Variants in GRHL2 observed in about 807,000 individuals in gnomAD.
GRHL2 encodes the protein grainyhead like transcription factor 2.
Under a neutral mutation model 83.8 loss-of-function variants are expected in GRHL2, and 21 were observed. The ratio of observed to expected loss-of-function variants is 0.25; its 90% CI spans 0.18 to 0.36. GRHL2 has a LOEUF of 0.36. GRHL2 is among the 10% of genes least tolerant of loss of function. The probability of loss-of-function intolerance (pLI) is 1.00; values close to 1 mark genes in which losing one functional copy is unlikely to be tolerated. For missense variants in GRHL2, 623 were observed against 781.8 expected, an observed-to-expected ratio of 0.80 and a Z score of 2.42; for synonymous variants, 280 against 278.9, an observed-to-expected ratio of 1.00 and a Z score of -0.04.
chr8:101,501,494 G>A (rs1014121504), intron 1 of GRHL2, among the ~76,000 whole-genome samples: 6 of 152,206 alleles, frequency 3.9e-5, no homozygotes, highest in Admixed American at 3.9e-4. Flanking sequence ...AAGTGAAGGA[G>A]AGAGGAGTGG....
rs750362167 is a variant in GRHL2 at position 101,573,701 on chromosome 8, ATC to A, written c.773_774del (p.Leu258ProfsTer48). On this transcript the variant is annotated frameshift_variant, in exon 6 of 16. Coordinates refer to ENST00000646743, the MANE Select transcript of GRHL2 (RefSeq NM_024915.4). LOFTEE classifies it high-confidence loss of function. ...TTCAGTACACCCTGGAAGCCACCAA[ATC>A]TCTCCGTCAGAAGCAGGGGGAGGGC... ...TFQYTLEATK[S>X]LRQKQGEGPM... The A allele has an allele frequency of 6.2e-7, 1 of 1,614,142 alleles. No homozygotes were observed. The highest frequency in any genetic ancestry group is 8.5e-7 in the Non-Finnish European group (1 of 1,180,026).
At chr8:101,515,154 CTT>C (rs1196118829) in intron 1 of GRHL2, among the ~76,000 whole-genome samples, 1 of 130,394 alleles carries the variant, frequency 7.7e-6, no homozygotes. Flanking sequence ...CTCCCTCTCT[CTT>C]TCTCTCTCTC....
intron 1 of GRHL2, among the ~76,000 whole-genome samples, chr8:101,494,166 G>A (rs1407733501): frequency 2.0e-5 from 3 of 152,182 alleles, no homozygotes; most frequent in African/African-American, 4.8e-5. Flanking sequence ...AAGGCCGCGG[G>A]CCGCTGGGCC....
intron 7 of GRHL2, among the ~76,000 whole-genome samples, chr8:101,592,100 CTTTTTTTT>C (rs11382067): frequency 5.5e-5 from 5 of 90,302 alleles, no homozygotes; most frequent in African/African-American, 1.8e-4. Context: ...TCTTTCTTTT[CTTTTTTTT>C]TTTTTTTTTT....
chr8:101,555,432 G>T (rs770351403), intron 3 of GRHL2, among the ~76,000 whole-genome samples: 9 of 151,970 alleles, frequency 5.9e-5, no homozygotes, highest in South Asian at 4.2e-4. Context: ...CGGTGGTCTC[G>T]TTATGGCAAT....
intron 1 of GRHL2, among the ~76,000 whole-genome samples, chr8:101,541,498 A>C (rs574144901): frequency 6.6e-6 from 1 of 152,072 alleles, no homozygotes; most frequent in African/African-American, 2.4e-5. Flanking sequence ...TCTTGGCAAA[A>C]AGGGACCTCT....
At chr8:101,551,841 G>GTT (rs111373774) in intron 2 of GRHL2, among the ~76,000 whole-genome samples, 1 of 141,130 alleles carries the variant, frequency 7.1e-6, no homozygotes, top group Non-Finnish European at 1.6e-5. Flanking sequence ...GGCATTGGGA[G>GTT]TTTTTTTTTT....
intron 7 of GRHL2, among the ~76,000 whole-genome samples, chr8:101,585,943 G>C (rs958560683): frequency 2.0e-5 from 3 of 151,896 alleles, no homozygotes; most frequent in Admixed American, 6.6e-5. Context: ...GGTGGTCCTC[G>C]GGCTCCCTCT....
intron 9 of GRHL2, among the ~76,000 whole-genome samples, chr8:101,625,654 C>A (rs1808070612): frequency 6.6e-6 from 1 of 152,032 alleles, no homozygotes; most frequent in South Asian, 2.1e-4. Context: ...TTTGTGTGAA[C>A]ATGTTTGTAA....
intron 3 of GRHL2, 58 bp downstream of exon 3, chr8:101,552,840 T>G: frequency 2.0e-6 from 3 of 1,498,640 alleles, no homozygotes; most frequent in Non-Finnish European, 2.8e-6. Flanking sequence ...AACAATGTTA[T>G]TAAACTGTAT....
At position 101,504,917 on chromosome 8, in the gene GRHL2, G is replaced by A. The variant is rs554752760; in HGVS notation, c.20+12128G>A. Among the ~76,000 whole-genome samples the A allele has an allele frequency of 2.6e-5, 4 of 151,604 alleles. No individual in the cohort carries two copies. In the South Asian group the frequency reaches 8.3e-4, roughly 32 times the overall value. ...AGCAGGGAACAAAAAGTACCTGATG[G>A]GAACTTGCTGGGGAAACTGGCCTCC... On this transcript the variant is annotated intron_variant, in intron 1 of 15. Transcript: ENST00000646743.
At position 101,558,587 on chromosome 8, in the gene GRHL2, G is replaced by C. The variant is rs778051979; in HGVS notation, c.453G>C (p.Pro151=). 5.6e-6 allele frequency: 9 copies of C among 1,613,982 alleles called. No individual in the cohort carries two copies. The African/African-American group carries it at 8.0e-5, about 14-fold the overall frequency. ...ISFPESSAII[P]VSGITVVKAE... ...TCCCCGAGAGCTCTGCCATCATCCC[G>C]GTGTCGGGAATCACGGTGGTGAAAG... The change falls in exon 4 of 16, where the codon CCG becomes CCC. Residue 151 remains proline, a synonymous_variant. Transcript: ENST00000646743.
At chr8:101,563,883 CA>C (rs993064441) in intron 4 of GRHL2, among the ~76,000 whole-genome samples, 1 of 151,946 alleles carries the variant, frequency 6.6e-6, no homozygotes, top group Non-Finnish European at 1.5e-5. Context: ...GTTTTTTCAC[CA>C]AAAGATTGCC....
chr8:101,493,539 T>G (rs1429299547), intron 1 of GRHL2, among the ~76,000 whole-genome samples: 3 of 152,028 alleles, frequency 2.0e-5, no homozygotes, highest in African/African-American at 7.2e-5. Context: ...ATGTGAGGCC[T>G]CGAGTTAGGG....
intron 6 of GRHL2, among the ~76,000 whole-genome samples, chr8:101,576,240 GTC>G (rs1489016877): frequency 6.6e-6 from 1 of 152,106 alleles, no homozygotes; most frequent in Admixed American, 6.5e-5. Context: ...TTGAGACAGG[GTC>G]TCTCTCTGTC....
At position 101,632,229 on chromosome 8, in the gene GRHL2, C is replaced by T. The variant is rs771520662; in HGVS notation, c.1349C>T (p.Ser450Phe). Reference protein sequence around the residue: ...QASQTQCNSSSDGKLAAIPLQ... With the variant: ...QASQTQCNSSFDGKLAAIPLQ... Reference sequence around the variant, plus strand: ...GAGTTTGTGTGATCCCATCCAGCCTCTGATGGGAAGTTGGCTGCCATACCT... The same window carrying T: ...GAGTTTGTGTGATCCCATCCAGCCTTTGATGGGAAGTTGGCTGCCATACCT... The change falls in exon 11 of 16, where the codon TCT (serine) becomes TTT (phenylalanine). Residue 450 changes from serine to phenylalanine, a missense_variant. Physicochemically the swap from Ser to Phe is radical, Grantham distance 155 (BLOSUM62 -2). Coordinates refer to ENST00000646743, the MANE Select transcript of GRHL2 (RefSeq NM_024915.4). The T allele has an allele frequency of 4.3e-6, 7 of 1,613,702 alleles. No individual in the cohort carries two copies.
At chr8:101,492,880 T>C in intron 1 of GRHL2, 91 bp downstream of exon 1, 1 of 1,163,002 alleles carries the variant, frequency 8.6e-7, no homozygotes, top group East Asian at 2.3e-5. Context: ...TAAGTTGCTA[T>C]TGTTGGTATT....
chr8:101,671,787 T>TC (rs1814214662), downstream of GRHL2, among the ~76,000 whole-genome samples: 3 of 152,034 alleles, frequency 2.0e-5, no homozygotes, highest in East Asian at 5.8e-4. Flanking sequence ...AGGCATCCCC[T>TC]AGTAGGGGCA....
chr8:101,511,351 C>G (rs1254163847), intron 1 of GRHL2, among the ~76,000 whole-genome samples: 1 of 152,158 alleles, frequency 6.6e-6, no homozygotes, highest in African/African-American at 2.4e-5. Context: ...AATTTATAAT[C>G]CAATCAATAA....
Sources: allele counts gnomAD v4.1 joint callset (sites outside exome capture counted in the v4.1 genomes callset), GRCh38; gene constraint gnomAD v4.1.1; transcripts MANE v1.5; gene names NCBI Gene and HGNC (gene_info 2026-07-23, HGNC 2026-07-21).